The following BLTP2 variants were observed in gnomAD, a reference collection of about 807,000 sequenced individuals.
The protein encoded by BLTP2 is bridge-like lipid transfer protein family member 2.
At chr17:28,620,102 G>T in the BLTP2 span, 1 of 1,251,288 alleles carries the variant, frequency 8.0e-7, no homozygotes, top group East Asian at 2.4e-5. Flanking sequence ...AAAGAAATGG[G>T]GGGGGTCTCT....
the BLTP2 span, chr17:28,644,893 A>G: frequency 1.1e-6 from 1 of 944,514 alleles, no homozygotes; most frequent in Non-Finnish European, 1.5e-6. Context: ...CACGCGCCTC[A>G]GTAAGGCGCG....
chr17:28,645,068 T>C, the BLTP2 span: 1 of 1,585,494 alleles, frequency 6.3e-7, no homozygotes, highest in Non-Finnish European at 8.6e-7. Flanking sequence ...TAGGTCCGGG[T>C]CCGGCCCGGC....
At chr17:28,629,352 A>G in the BLTP2 span, among the ~76,000 whole-genome samples, 1 of 151,938 alleles carries the variant, frequency 6.6e-6, no homozygotes, top group East Asian at 1.9e-4. Flanking sequence ...GTGCAGTGGC[A>G]TGATCTTGGC....
At chr17:28,620,899 A>G in the BLTP2 span, 1 of 1,266,544 alleles carries the variant, frequency 7.9e-7, no homozygotes, top group East Asian at 2.3e-5. Flanking sequence ...TGGATTTTTA[A>G]TAACTCTACT....
chr17:28,641,904 G>C, the BLTP2 span: 1 of 1,613,170 alleles, frequency 6.2e-7, no homozygotes, highest in Non-Finnish European at 8.5e-7. Context: ...CAGGGAACAG[G>C]CTTAGATGCT....
the BLTP2 span, chr17:28,620,882 T>C: frequency 9.1e-7 from 1 of 1,098,954 alleles, no homozygotes; most frequent in Non-Finnish European, 1.3e-6. Context: ...TTAATGCCAG[T>C]GCACAGTGGA....
the BLTP2 span, chr17:28,628,475 T>G: frequency 6.2e-7 from 1 of 1,614,184 alleles, no homozygotes; most frequent in East Asian, 2.2e-5. Context: ...ATGTCTCGAT[T>G]GGTAGTTGTC....
the BLTP2 span, chr17:28,617,411 T>A: frequency 1.2e-6 from 1 of 834,786 alleles, no homozygotes; most frequent in Non-Finnish European, 2.0e-6. Context: ...TTTCAGGCTC[T>A]ACATATGCCT....
At chr17:28,632,305 C>T in the BLTP2 span, 1 of 1,429,310 alleles carries the variant, frequency 7.0e-7, no homozygotes, top group African/African-American at 1.4e-5. Flanking sequence ...TAAATCCTTC[C>T]CTTGCTGCAG....
the BLTP2 span, chr17:28,633,198 G>T: frequency 6.3e-7 from 1 of 1,595,082 alleles, no homozygotes; most frequent in South Asian, 1.1e-5. Flanking sequence ...TCAGTGCCCT[G>T]GTCACTCACT....
chr17:28,628,074 C>CCAGA, the BLTP2 span, among the ~76,000 whole-genome samples: 4 of 152,146 alleles, frequency 2.6e-5, no homozygotes, highest in South Asian at 6.2e-4. Flanking sequence ...GGCCATAGGA[C>CCAGA]CAGACCATTT....
the BLTP2 span, chr17:28,620,856 A>G: frequency 1.0e-6 from 1 of 997,488 alleles, no homozygotes; most frequent in African/African-American, 1.6e-5. Flanking sequence ...TACAAAAAGT[A>G]GAGCAAAGTG....
At chr17:28,619,563 C>T in the BLTP2 span, 2 of 1,516,930 alleles carry the variant, frequency 1.3e-6, no homozygotes, top group Non-Finnish European at 9.1e-7. Context: ...ATAATGCACA[C>T]TAGACCTAAA....
chr17:28,621,312 G>A, the BLTP2 span: 1 of 1,414,984 alleles, frequency 7.1e-7, no homozygotes. Context: ...AGCATACACT[G>A]ACGTTAAGAA....
chr17:28,634,543 A>C, the BLTP2 span: 1 of 1,613,808 alleles, frequency 6.2e-7, no homozygotes, highest in Admixed American at 1.7e-5. Flanking sequence ...ATTGCACTTG[A>C]GCATTCGACA....
At chr17:28,642,185 G>A in the BLTP2 span, 1 of 1,577,146 alleles carries the variant, frequency 6.3e-7, no homozygotes, top group Admixed American at 1.7e-5. Flanking sequence ...AACCCCCTAA[G>A]GTCAAAGAAC....
At chr17:28,636,912 C>A in the BLTP2 span, 6 of 1,361,140 alleles carry the variant, frequency 4.4e-6, no homozygotes, top group Admixed American at 8.4e-5. Context: ...CAGAGAAAGG[C>A]TCTAAGCTGA....
At chr17:28,644,963 C>CCGCCGG in the BLTP2 span, 13 of 1,558,448 alleles carry the variant, frequency 8.3e-6, no homozygotes, top group Middle Eastern at 1.7e-4. Flanking sequence ...GCCGCCGCCG[C>CCGCCGG]CGCCGGCGCG....
chr17:28,633,185 C>T, the BLTP2 span: 1 of 1,587,080 alleles, frequency 6.3e-7, no homozygotes, highest in East Asian at 2.2e-5. Context: ...GGAACCCCAG[C>T]CCTCAGTGCC....
Sources: allele counts gnomAD v4.1 joint callset (sites outside exome capture counted in the v4.1 genomes callset), GRCh38; gene constraint gnomAD v4.1.1; transcripts MANE v1.5; gene names NCBI Gene and HGNC (gene_info 2026-07-23, HGNC 2026-07-21).